The following ZNF362 variants were observed in gnomAD, a reference collection of about 807,000 sequenced individuals.
ZNF362 encodes the protein rotund homolog.
In ZNF362, 11 loss-of-function variants were observed where a neutral mutation model predicts 42.9. That is an observed-to-expected ratio of 0.26 (90% CI 0.16 to 0.42). ZNF362 has a LOEUF of 0.42. Among genes scored for constraint, ZNF362 ranks in the 20% least tolerant of loss-of-function variants. ZNF362 has a pLI of 1.00. For missense variants in ZNF362, 362 were observed against 576.2 expected (o/e 0.63, Z 3.81); for synonymous variants, 255 against 257.3 (o/e 0.99, Z 0.09).
the ZNF362 span, among the ~76,000 whole-genome samples, chr1:33,174,216 T>C: frequency 6.6e-6 from 1 of 151,896 alleles, no homozygotes; most frequent in Admixed American, 6.6e-5. Context: ...CTCACTCTGT[T>C]GCCCAGGCTG....
the ZNF362 span, among the ~76,000 whole-genome samples, chr1:33,236,398 C>G: frequency 1.3e-5 from 2 of 149,804 alleles, no homozygotes; most frequent in African/African-American, 4.9e-5. Flanking sequence ...AAAAATTAGC[C>G]AGGTGTGGTG....
the ZNF362 span, among the ~76,000 whole-genome samples, chr1:33,229,187 A>G: frequency 6.6e-6 from 1 of 151,738 alleles, no homozygotes; most frequent in Middle Eastern, 3.4e-3. Flanking sequence ...TTTCTCCACA[A>G]CCCTTAACAT....
At chr1:33,212,304 T>C in the ZNF362 span, among the ~76,000 whole-genome samples, 1 of 152,094 alleles carries the variant, frequency 6.6e-6, no homozygotes, top group Non-Finnish European at 1.5e-5. Flanking sequence ...AATTATCCAG[T>C]CCCAGGTATT....
the ZNF362 span, among the ~76,000 whole-genome samples, chr1:33,201,000 C>G: frequency 2.6e-5 from 4 of 152,136 alleles, no homozygotes; most frequent in African/African-American, 9.7e-5. Flanking sequence ...AGAGAGGCCT[C>G]AGAAGACATC....
the ZNF362 span, among the ~76,000 whole-genome samples, chr1:33,193,411 CA>C: frequency 1.3e-5 from 2 of 152,138 alleles, no homozygotes; most frequent in African/African-American, 4.8e-5. Flanking sequence ...CAATGCAGGG[CA>C]CACAGGACTT....
At position 33,299,272 on chromosome 1, in the gene ZNF362, A is replaced by G; in HGVS notation, c.*226A>G. 1 of 476,584 alleles carries G rather than the reference A, an allele frequency of 2.1e-6. No individual in the cohort carries two copies. The highest frequency in any genetic ancestry group is 3.8e-6 in the Non-Finnish European group (1 of 263,166). The allele number at this position is 476,584 out of a possible 1,614,324, so 29.5% of individuals were successfully genotyped here. A position where few individuals can be genotyped will look rare whatever the true frequency, so the allele number is the denominator to read the frequency against. On this transcript the variant is annotated 3_prime_UTR_variant, in exon 9 of 9. Transcript: ENST00000539719. ...TTTGGTGGCATCCAAAGACGATCTC[A>G]GAGCACTTTGAACCTCTCTGTTGAG... is the stretch of plus-strand genomic sequence containing the variant.
At chr1:33,214,173 C>A in the ZNF362 span, among the ~76,000 whole-genome samples, 1 of 152,142 alleles carries the variant, frequency 6.6e-6, no homozygotes, top group Admixed American at 6.5e-5. Flanking sequence ...TGAATGCACA[C>A]CCCTAAAAAT....
At chr1:33,218,370 G>A in the ZNF362 span, among the ~76,000 whole-genome samples, 904 of 152,270 alleles carry the variant, frequency 5.9e-3, 11 homozygotes, top group African/African-American at 0.02. Context: ...GAGCCCTGGA[G>A]GTCGAGGCTG....
the ZNF362 span, among the ~76,000 whole-genome samples, chr1:33,202,576 T>G: frequency 7.1e-6 from 1 of 141,646 alleles, no homozygotes; most frequent in Admixed American, 7.4e-5. Context: ...CCAGCCTGGG[T>G]GACAGAGCGA....
chr1:33,158,230 G>T, the ZNF362 span: 1 of 1,606,916 alleles, frequency 6.2e-7, no homozygotes, highest in Non-Finnish European at 8.5e-7. Flanking sequence ...CCTAGCTCTG[G>T]ACCATGATAA....
chr1:33,230,576 C>T, the ZNF362 span, among the ~76,000 whole-genome samples: 2 of 152,330 alleles, frequency 1.3e-5, no homozygotes, highest in East Asian at 1.9e-4. Flanking sequence ...GCTAAGTGTT[C>T]GCACGTGCAG....
rs1389529486 is a variant in ZNF362, at chr1:33,280,246, G to A, written c.472G>A (p.Ala158Thr). Reference sequence around the variant, plus strand: ...CACCACCAGCCAGAGCCGCCTCATCGCCTCGTCCCCCACCCTCATCTCAGG... The same window carrying A: ...CACCACCAGCCAGAGCCGCCTCATCACCTCGTCCCCCACCCTCATCTCAGG... ...PTTTSQSRLI[A>T]SSPTLISGIT... Residue 158 changes from alanine (A) to threonine (T), a missense_variant, in exon 5 of 9, where the codon GCC becomes ACC. Ala to Thr is a moderately conservative substitution (Grantham distance 58, BLOSUM62 0). Coordinates refer to ENST00000539719, the MANE Select transcript of ZNF362 (RefSeq NM_152493.3). This position sits in a 1 kb window ranked among gnomAD's most constrained non-coding sequence, Gnocchi z 5.6. The A allele has an allele frequency of 1.9e-6, 3 of 1,613,962 alleles. No individual in the cohort carries two copies. The highest frequency in any genetic ancestry group is 2.5e-6 in the Non-Finnish European group (3 of 1,179,904).
intron 4 of ZNF362, among the ~76,000 whole-genome samples, chr1:33,277,774 G>A (rs573676188): frequency 7.2e-5 from 11 of 152,332 alleles, no homozygotes; most frequent in Admixed American, 7.2e-4. Context: ...GAACAGGGTT[G>A]GGGAAAGATG....
chr1:33,149,326 G>A, the ZNF362 span, among the ~76,000 whole-genome samples: 1 of 152,024 alleles, frequency 6.6e-6, no homozygotes, highest in Admixed American at 6.6e-5. Context: ...CTAATTTTTT[G>A]TATTTTTAGT....
chr1:33,272,213 G>C (rs1174367129), intron 2 of ZNF362, among the ~76,000 whole-genome samples: 1 of 152,214 alleles, frequency 6.6e-6, no homozygotes, highest in African/African-American at 2.4e-5. Context: ...TGGGCCATAA[G>C]CTTTGACCTC....
the ZNF362 span, among the ~76,000 whole-genome samples, chr1:33,185,504 G>C: frequency 1.3e-5 from 2 of 152,196 alleles, no homozygotes; most frequent in Non-Finnish European, 2.9e-5. Flanking sequence ...TTATAGGTGT[G>C]AGCCACCGTG....
chr1:33,240,125 C>T, the ZNF362 span, among the ~76,000 whole-genome samples: 1 of 152,102 alleles, frequency 6.6e-6, no homozygotes, highest in African/African-American at 2.4e-5. Flanking sequence ...TAGAGTATCT[C>T]CTCATGTTAC....
intron 2 of ZNF362, chr1:33,275,360 C>A (rs1156633078): frequency 1.0e-6 from 1 of 985,554 alleles, no homozygotes; most frequent in East Asian, 1.1e-4. Flanking sequence ...TTGTCACACA[C>A]TTTTACCAAA....
At chr1:33,228,358 T>C in the ZNF362 span, among the ~76,000 whole-genome samples, 1 of 152,290 alleles carries the variant, frequency 6.6e-6, no homozygotes, top group East Asian at 1.9e-4. Context: ...CATCTATACT[T>C]TGAGGCCTCC....
Sources: allele counts gnomAD v4.1 joint callset (sites outside exome capture counted in the v4.1 genomes callset), GRCh38; gene constraint gnomAD v4.1.1; non-coding constraint Gnocchi (gnomAD v3.1); transcripts MANE v1.5; gene names NCBI Gene and HGNC (gene_info 2026-07-23, HGNC 2026-07-21).